The following EYS variants were observed in gnomAD, a reference collection of about 807,000 sequenced individuals.
EYS encodes the protein EGF-like photoreceptor maintenance factor.
In EYS, 250 loss-of-function variants were observed where a neutral mutation model predicts 282.1. The observed-to-expected ratio is 0.89, with a 90% CI of 0.80 to 0.98. The LOEUF is 0.98. Ranked by LOEUF, EYS falls within the 50% of genes least tolerant of loss-of-function variation. The probability of loss-of-function intolerance (pLI) is 0.00; values close to 1 mark genes in which losing one functional copy is unlikely to be tolerated. For missense variants in EYS, 4,016 were observed against 3,709.0 expected, an observed-to-expected ratio of 1.08 and a Z score of -2.15; for synonymous variants, 1,355 against 1,282.9, an observed-to-expected ratio of 1.06 and a Z score of -1.20.
intron 19 of EYS, among the ~76,000 whole-genome samples, chr6:64,838,668 T>C (rs1765465125): frequency 6.7e-6 from 1 of 150,204 alleles, no homozygotes; most frequent in Admixed American, 6.7e-5. Flanking sequence ...ACAGAGCTGT[T>C]ATTTGATAAT....
intron 29 of EYS, among the ~76,000 whole-genome samples, chr6:64,308,754 T>G (rs999807520): frequency 6.6e-6 from 1 of 152,028 alleles, no homozygotes; most frequent in Non-Finnish European, 1.5e-5. Flanking sequence ...AGGCTCAAAT[T>G]TACTGCAAAG....
intron 12 of EYS, among the ~76,000 whole-genome samples, chr6:65,278,060 T>TTCTTTTCTTTTCTTTTCTTTTCTTTTC (rs139764079): frequency 2.1e-5 from 3 of 142,806 alleles, no homozygotes; most frequent in Admixed American, 7.4e-5. Flanking sequence ...TTCTTTTCTT[T>TTCTTTTCTTTTCTTTTCTTTTCTTTTC]TTTTCTGCCT....
chr6:63,856,277 C>A (rs1772389454), intron 36 of EYS, among the ~76,000 whole-genome samples: 2 of 152,100 alleles, frequency 1.3e-5, no homozygotes, highest in Admixed American at 1.3e-4. Context: ...TCTGCAAGAC[C>A]AATTTGCCAT....
chr6:64,384,493 T>C (rs1772847570), intron 29 of EYS, among the ~76,000 whole-genome samples: 1 of 152,208 alleles, frequency 6.6e-6, no homozygotes, highest in Non-Finnish European at 1.5e-5. Flanking sequence ...AACTTCTGCA[T>C]ATATAAAAAA....
intron 2 of EYS, 127 bp from the exon 3 acceptor site, chr6:65,496,120 A>G (rs1766249874): frequency 6.6e-6 from 1 of 152,128 alleles, no homozygotes; most frequent in African/African-American, 2.4e-5. Context: ...GAGGATGGGA[A>G]CTCCCATATA....
chr6:64,888,130 A>T (rs923863406), intron 18 of EYS, among the ~76,000 whole-genome samples: 1 of 152,000 alleles, frequency 6.6e-6, no homozygotes, highest in Non-Finnish European at 1.5e-5. Flanking sequence ...TAAGCCAGAC[A>T]GTAGGGGAGA....
At chr6:63,844,080 C>G (rs1490113438) in intron 36 of EYS, among the ~76,000 whole-genome samples, 2 of 152,102 alleles carry the variant, frequency 1.3e-5, no homozygotes, top group Non-Finnish European at 2.9e-5. Context: ...CATTCAGTTC[C>G]CACTTGTAAA....
chr6:64,876,607 A>G (rs1462003694), intron 19 of EYS, among the ~76,000 whole-genome samples: 3 of 152,172 alleles, frequency 2.0e-5, no homozygotes, highest in African/African-American at 4.8e-5. Flanking sequence ...TAAACAGTTA[A>G]GTGACAGACT....
chr6:64,598,828 A>G (rs1367192848), intron 24 of EYS, among the ~76,000 whole-genome samples: 2 of 152,240 alleles, frequency 1.3e-5, no homozygotes, highest in Non-Finnish European at 2.9e-5. Flanking sequence ...TGATTTTAAG[A>G]CAAAATATCC....
intron 19 of EYS, among the ~76,000 whole-genome samples, chr6:64,882,466 T>C (rs753972572): frequency 6.6e-6 from 1 of 151,736 alleles, no homozygotes; most frequent in Non-Finnish European, 1.5e-5. Flanking sequence ...GCCTGTTTAA[T>C]GTAGCTCCTG....
chr6:64,896,565 G>C (rs554892243), intron 18 of EYS, among the ~76,000 whole-genome samples: 137 of 141,892 alleles, frequency 9.7e-4, no homozygotes, highest in Non-Finnish European at 1.4e-3. Flanking sequence ...TTTTTTTTTC[G>C]TATCCCAGTG....
intron 22 of EYS, among the ~76,000 whole-genome samples, chr6:64,804,041 A>C (rs1027810064): frequency 6.6e-6 from 1 of 151,984 alleles, no homozygotes; most frequent in Non-Finnish European, 1.5e-5. Flanking sequence ...TTGGAGTGTA[A>C]CCCTGGCTGT....
intron 19 of EYS, among the ~76,000 whole-genome samples, chr6:64,878,368 G>C (rs1445275728): frequency 6.6e-6 from 1 of 152,132 alleles, no homozygotes; most frequent in Admixed American, 6.6e-5. Flanking sequence ...TTAGTGCGAA[G>C]ATAAAGAAGC....
At position 65,490,697 on chromosome 6, in the gene EYS, G is replaced by C; in HGVS notation, c.759C>G (p.Cys253Trp). The C allele has an allele frequency of 6.2e-7, 1 of 1,609,208 alleles. No homozygotes were observed. The highest frequency in any genetic ancestry group is 8.5e-7 in the Non-Finnish European group (1 of 1,176,140). The change falls in exon 5 of 43, where the codon TGC (cysteine) becomes TGG (tryptophan). Residue 253 changes from cysteine (C) to tryptophan (W), a missense_variant. Coordinates refer to ENST00000503581, the MANE Select transcript of EYS (RefSeq NM_001142800.2). Reference sequence around the variant, plus strand: ...GTTGACACTGGCCAATTATTTCTGAGCAATTCTTTCCTATAACAATGAAAA... The same window carrying C: ...GTTGACACTGGCCAATTATTTCTGACCAATTCTTTCCTATAACAATGAAAA... ...VCHPPFTGKN[C>W]SEIIGQCQPH...
chr6:64,902,022 T>C (rs572135925), intron 18 of EYS, 91 bp downstream of exon 18: 1 of 807,252 alleles, frequency 1.2e-6, no homozygotes, highest in African/African-American at 1.8e-5. Context: ...GGTGATCAGC[T>C]GCCTTAGTTA....
intron 36 of EYS, among the ~76,000 whole-genome samples, chr6:63,827,820 C>T (rs546509431): frequency 1.4e-4 from 20 of 143,944 alleles, no homozygotes; most frequent in East Asian, 1.0e-3. Context: ...GTCCACAGTC[C>T]GGCCTGGGCG....
chr6:64,882,049 T>G (rs940275811), intron 19 of EYS, among the ~76,000 whole-genome samples: 2 of 151,752 alleles, frequency 1.3e-5, no homozygotes, highest in Admixed American at 6.6e-5. Flanking sequence ...TAAAGGCAAT[T>G]TTATAATGAG....
At position 64,704,364 on chromosome 6, in the gene EYS, T is replaced by C. The variant is rs62418860; in HGVS notation, c.3444-78119A>G. Among the ~76,000 whole-genome samples the C allele has an allele frequency of 4.7e-3, 691 of 146,328 alleles. 2 individuals are homozygous for C. The highest frequency in any genetic ancestry group is 0.016 in the African/African-American group (654 of 40,320). The stretch of plus-strand genomic sequence containing the variant: ...TATAAAATAATTGCTACATTTATCT[T>C]TCTTATACAGCAATAAAATTGTATC... On this transcript the variant is annotated intron_variant, in intron 22 of 42. Transcript: ENST00000503581.
intron 29 of EYS, among the ~76,000 whole-genome samples, chr6:64,307,987 A>G (rs998985549): frequency 2.6e-5 from 4 of 152,036 alleles, no homozygotes; most frequent in Non-Finnish European, 5.9e-5. Flanking sequence ...AAATTACATA[A>G]TTACAGTAAA....
Sources: allele counts gnomAD v4.1 joint callset (sites outside exome capture counted in the v4.1 genomes callset), GRCh38; gene constraint gnomAD v4.1.1; transcripts MANE v1.5; gene names NCBI Gene and HGNC (gene_info 2026-07-23, HGNC 2026-07-21).